SLF2: variants seen among roughly 807,000 people sequenced by gnomAD.
The protein encoded by SLF2 is SMC5-SMC6 complex localization factor protein 2.
A neutral mutation model predicts 124.3 loss-of-function variants in SLF2; 68 were observed. That is an observed-to-expected ratio of 0.55 (90% CI 0.45 to 0.67). SLF2 has a LOEUF of 0.67. SLF2 is among the 30% of genes least tolerant of loss of function. The pLI, the probability that SLF2 is intolerant of heterozygous loss-of-function variation, is 0.00. For synonymous variants in SLF2, 480 were observed against 478.8 expected, an observed-to-expected ratio of 1.00 and a Z score of -0.03; for missense variants, 1,246 against 1,373.7, an observed-to-expected ratio of 0.91 and a Z score of 1.47.
intron 4 of SLF2, among the ~76,000 whole-genome samples, chr10:100,919,187 A>G (rs1849481142): frequency 6.6e-6 from 1 of 151,410 alleles, no homozygotes; most frequent in South Asian, 2.1e-4. Context: ...AATTTTTTGT[A>G]TTTTTAGTGG....
At chr10:100,952,012 G>A (rs1850224444) in intron 17 of SLF2, among the ~76,000 whole-genome samples, 2 of 152,138 alleles carry the variant, frequency 1.3e-5, no homozygotes, top group Admixed American at 1.3e-4. Context: ...GGGAGGGTGC[G>A]GTGGGTGGAT....
intron 9 of SLF2, among the ~76,000 whole-genome samples, chr10:100,932,653 C>T (rs1037820789): frequency 4.0e-5 from 6 of 151,838 alleles, no homozygotes; most frequent in African/African-American, 1.5e-4. Flanking sequence ...TCTCTGATCT[C>T]ATGAAGCCCA....
At position 100,928,075 on chromosome 10, in the gene SLF2, G is replaced by C. The variant is rs61871481; in HGVS notation, c.2043-1242G>C. The stretch of plus-strand genomic sequence containing the variant: ...CACACACACACACACACACGAGAGA[G>C]AGACAGAGAGAGAGAGAGAGAGAGA... On this transcript the variant is annotated intron_variant, in intron 6 of 19. Transcript: ENST00000238961. Among the ~76,000 whole-genome samples the C allele has an allele frequency of 2.4e-3, 168 of 69,608 alleles. 23 individuals carry two copies. Among genetic ancestry groups the C allele is most frequent in the Non-Finnish European group, 3.8e-3 (117 of 31,060 alleles). The allele number at this position is 69,608 out of a possible 152,430, so 45.7% of individuals were successfully genotyped here. A position where few individuals can be genotyped will look rare whatever the true frequency, so the allele number is the denominator to read the frequency against.
intron 17 of SLF2, among the ~76,000 whole-genome samples, chr10:100,953,262 C>G (rs1328419871): frequency 6.6e-6 from 1 of 151,518 alleles, no homozygotes; most frequent in African/African-American, 2.4e-5. Context: ...CCTTGTGATC[C>G]GCCCACCTCG....
chr10:100,936,613 G>A (rs1849865783), intron 9 of SLF2, among the ~76,000 whole-genome samples: 1 of 152,208 alleles, frequency 6.6e-6, no homozygotes, highest in South Asian at 2.1e-4. Context: ...GGGATTACAG[G>A]CTGAGCCACC....
At position 100,924,413 on chromosome 10, in the gene SLF2, C is replaced by T. The variant is rs1194452095; in HGVS notation, c.1412C>T (p.Thr471Ile). The change falls in exon 5 of 20, where the codon ACA becomes ATA. Residue 471 changes from threonine (T) to isoleucine (I), a missense_variant. This residue lies in a region of SLF2 where 698 missense variants were observed against 708.9 expected (regional missense o/e 0.98). Transcript: ENST00000238961. ...AGCTCCACGACAAAGGAGAAGGAGA[C>T]AAAACTACCTTTACTTTCCCGTGTT... ...TASSTTKEKE[T>I]KLPLLSRVPS... The T allele has an allele frequency of 6.2e-7, 1 of 1,613,988 alleles. No individual in the cohort carries two copies.
At chr10:100,915,975 G>C (rs758406819) in intron 1 of SLF2, 24 bp from the exon 2 acceptor site, 1 of 1,570,070 alleles carries the variant, frequency 6.4e-7, no homozygotes, top group South Asian at 1.1e-5. Flanking sequence ...CTTATATGAT[G>C]CCATATTATG....
intron 1 of SLF2, 132 bp downstream of exon 1, chr10:100,913,382 A>G: frequency 7.3e-7 from 1 of 1,363,860 alleles, no homozygotes; most frequent in Non-Finnish European, 9.4e-7. Flanking sequence ...GGGCCTGGCA[A>G]ATCCCCGCCC....
At chr10:100,956,302 C>A in intron 17 of SLF2, 149 bp from the exon 18 acceptor site, 1 of 579,576 alleles carries the variant, frequency 1.7e-6, no homozygotes, top group Non-Finnish European at 3.0e-6. Context: ...TTCACTGATA[C>A]AACTACTGTT....
At position 100,924,528 on chromosome 10, in the gene SLF2, A is replaced by G. The variant is rs1173235083; in HGVS notation, c.1527A>G (p.Lys509=). 6.2e-7 allele frequency: 1 copy of G among 1,614,198 alleles called. No homozygotes were observed. The highest frequency in any genetic ancestry group is 2.2e-5 in the East Asian group (1 of 44,888). ...AAGATAAAGAGCGTTCCTCATCTAA[A>G]GAATGTTCTGGGCATTCTACAGAAT... The part of the protein sequence containing the change: ...SKKDKERSSS[K]ECSGHSTEST... The change falls in exon 5 of 20, where the codon AAA becomes AAG. Residue 509 remains lysine (K), a synonymous_variant. Coordinates refer to ENST00000238961, the MANE Select transcript of SLF2 (RefSeq NM_018121.4).
At chr10:100,948,505 A>G (rs991421435) in intron 15 of SLF2, among the ~76,000 whole-genome samples, 5 of 152,138 alleles carry the variant, frequency 3.3e-5, no homozygotes, top group East Asian at 1.9e-4. Context: ...AAAATGTCCA[A>G]TGGAAGTCCC....
chr10:100,961,120 C>T (rs993568686), intron 19 of SLF2, among the ~76,000 whole-genome samples: 1 of 146,310 alleles, frequency 6.8e-6, no homozygotes, highest in Non-Finnish European at 1.5e-5. Context: ...CGCCATTCTC[C>T]TGCCTCAGCC....
intron 13 of SLF2, 38 bp from the exon 14 acceptor site, chr10:100,947,001 C>G (rs1850116838): frequency 6.6e-7 from 1 of 1,507,666 alleles, no homozygotes; most frequent in Non-Finnish European, 9.2e-7. Flanking sequence ...TTCTACTGTT[C>G]TGTTTGAAAA....
At chr10:100,951,563 AG>A (rs1415503626) in intron 17 of SLF2, among the ~76,000 whole-genome samples, 1 of 152,200 alleles carries the variant, frequency 6.6e-6, no homozygotes, top group Admixed American at 6.5e-5. Context: ...ACAAGGGATG[AG>A]CCGGGGGTTC....
intron 4 of SLF2, among the ~76,000 whole-genome samples, chr10:100,921,342 A>G (rs1476175817): frequency 1.3e-5 from 2 of 152,166 alleles, no homozygotes; most frequent in African/African-American, 2.4e-5. Flanking sequence ...TCAGCCTCCC[A>G]AAGTGCTGGG....
At chr10:100,935,395 A>C (rs577132979) in intron 9 of SLF2, among the ~76,000 whole-genome samples, 178 of 144,590 alleles carry the variant, frequency 1.2e-3, no homozygotes, top group Non-Finnish European at 1.8e-3. Flanking sequence ...ATTCTGTCCC[A>C]AAAAAAAAAA....
intron 12 of SLF2, 141 bp from the exon 13 acceptor site, chr10:100,945,189 C>T (rs1053279768): frequency 3.8e-5 from 24 of 632,884 alleles, no homozygotes; most frequent in Non-Finnish European, 5.5e-5. Flanking sequence ...GTAGTTCTTG[C>T]CTTCTTTTCT....
At chr10:100,945,291 C>T (rs753121649) in intron 12 of SLF2, 39 bp from the exon 13 acceptor site, 20 of 1,454,254 alleles carry the variant, frequency 1.4e-5, no homozygotes, top group Middle Eastern at 2.3e-4. Context: ...TAAAATATAC[C>T]TCCTAAAATA....
At chr10:100,936,487 C>G (rs1337292958) in intron 9 of SLF2, among the ~76,000 whole-genome samples, 2 of 152,042 alleles carry the variant, frequency 1.3e-5, no homozygotes, top group Non-Finnish European at 2.9e-5. Context: ...GAACCCGCCA[C>G]CACGCCTGGC....
Sources: gnomAD v4.1 joint callset for allele counts (sites outside exome capture counted in the v4.1 genomes callset) on GRCh38, gnomAD v4.1.1 for gene constraint, gnomAD v4.1.1 regional missense constraint, MANE v1.5 for transcripts, NCBI Gene and HGNC (gene_info 2026-07-23, HGNC 2026-07-21) for gene names.